The following RAB40C variants were observed in gnomAD, a reference collection of about 807,000 sequenced individuals.
The protein encoded by RAB40C is RAB40C, member RAS oncogene family, also known as ras-related protein Rab-40C.
RAB40C carries 8 observed loss-of-function variants against 28.1 expected under a neutral mutation model. That is an observed-to-expected ratio of 0.28 (90% CI 0.17 to 0.51). The LOEUF is 0.51. RAB40C is among the 20% of genes least tolerant of loss of function. RAB40C has a pLI of 0.97. For missense variants in RAB40C, 288 were observed against 405.9 expected, an observed-to-expected ratio of 0.71 and a Z score of 2.50; for synonymous variants, 201 against 171.7, an observed-to-expected ratio of 1.17 and a Z score of -1.34.
intron 4 of RAB40C, 29 bp from the exon 5 acceptor site, chr16:625,870 T>C: frequency 6.3e-7 from 1 of 1,587,424 alleles, no homozygotes; most frequent in Non-Finnish European, 8.6e-7. Context: ...ACCCTGCGTT[T>C]GTGCGTCTGC....
At chr16:591,477 C>T (rs900642062) in intron 1 of RAB40C, among the ~76,000 whole-genome samples, 4 of 152,176 alleles carry the variant, frequency 2.6e-5, no homozygotes, top group South Asian at 2.1e-4. Context: ...CTTATAGGCA[C>T]GCTGTTCCCC....
intron 3 of RAB40C, among the ~76,000 whole-genome samples, chr16:622,920 G>C (rs1163072491): frequency 1.3e-5 from 2 of 152,184 alleles, no homozygotes; most frequent in African/African-American, 2.4e-5. Context: ...TTAGGGTGCC[G>C]TTCGTTAGGC....
chr16:615,732 C>A (rs12596770), intron 1 of RAB40C, among the ~76,000 whole-genome samples: 3 of 152,096 alleles, frequency 2.0e-5, no homozygotes, highest in Non-Finnish European at 4.4e-5. Context: ...GAGGCCAAGG[C>A]GGGCGAATCA....
intron 3 of RAB40C, among the ~76,000 whole-genome samples, chr16:621,343 C>T (rs372706262): frequency 7.9e-5 from 12 of 152,362 alleles, no homozygotes; most frequent in Admixed American, 2.6e-4. Context: ...TTTCTCCCGC[C>T]GCCCCTGATG....
At chr16:609,582 A>C (rs1486789472) in intron 1 of RAB40C, among the ~76,000 whole-genome samples, 3 of 152,146 alleles carry the variant, frequency 2.0e-5, no homozygotes, top group Non-Finnish European at 2.9e-5. Context: ...GACAGGCAGG[A>C]AAAGAGCTCA....
intron 1 of RAB40C, among the ~76,000 whole-genome samples, chr16:616,482 G>A (rs55715744): frequency 6.6e-6 from 1 of 151,538 alleles, no homozygotes; most frequent in Non-Finnish European, 1.5e-5. Context: ...GGGATTAAAG[G>A]TGCCCACCAC....
chr16:625,311 G>A (rs953886332), intron 3 of RAB40C, 121 bp from the exon 4 acceptor site: 51 of 1,480,940 alleles, frequency 3.4e-5, no homozygotes, highest in South Asian at 1.0e-4. Flanking sequence ...CTGCCCATCC[G>A]CCAAGTAATA....
intron 3 of RAB40C, among the ~76,000 whole-genome samples, chr16:622,142 C>T (rs2036731844): frequency 1.3e-5 from 2 of 152,126 alleles, no homozygotes; most frequent in African/African-American, 4.8e-5. Flanking sequence ...AGTTACAGCT[C>T]AGTAAAAAAT....
chr16:596,699 C>T (rs1007871970), intron 1 of RAB40C, among the ~76,000 whole-genome samples: 2 of 152,056 alleles, frequency 1.3e-5, no homozygotes, highest in Non-Finnish European at 2.9e-5. Flanking sequence ...GTTACGAAGG[C>T]GGTGGGAAGA....
chr16:595,229 G>A (rs573383840), intron 1 of RAB40C, among the ~76,000 whole-genome samples: 2 of 152,268 alleles, frequency 1.3e-5, no homozygotes, highest in Non-Finnish European at 1.5e-5. Context: ...TGCCAGCACC[G>A]GTGGGCGCTT....
intron 1 of RAB40C, 50 bp downstream of exon 1, chr16:590,483 G>T (rs2035967631): frequency 6.8e-7 from 1 of 1,481,430 alleles, no homozygotes; most frequent in Non-Finnish European, 9.0e-7. Flanking sequence ...CGAGCCCGGC[G>T]AGCTGGGCAC....
intron 5 of RAB40C, among the ~76,000 whole-genome samples, chr16:626,582 C>T (rs1241508320): frequency 6.6e-6 from 1 of 152,178 alleles, no homozygotes; most frequent in Non-Finnish European, 1.5e-5. Context: ...TTTGTGGTGC[C>T]TCCCAGCAGG....
chr16:624,770 G>A lies in RAB40C; in HGVS notation c.265-662G>A, dbSNP rs76469414. 59 of 985,464 alleles carry A rather than the reference G, an allele frequency of 6.0e-5. No homozygotes were observed. In the East Asian group the frequency reaches 3.3e-3, roughly 55 times the overall value. 61.0% of individuals were successfully genotyped at this position (985,464 alleles called of 1,614,324 possible). ...AGGGGAATGGGCCTGTGATGTCACC[G>A]TTTCGCCCGACAGGGCTCTGAGTGT... On this transcript the variant is annotated intron_variant, in intron 3 of 5. Transcript: ENST00000248139.
intron 3 of RAB40C, among the ~76,000 whole-genome samples, chr16:623,423 G>A (rs766327971): frequency 1.3e-4 from 20 of 152,210 alleles, no homozygotes; most frequent in Middle Eastern, 6.8e-3. Flanking sequence ...GCCGAGGTGG[G>A]CAGATCGGGA....
intron 1 of RAB40C, among the ~76,000 whole-genome samples, chr16:609,328 C>T (rs1567188868): frequency 6.6e-6 from 1 of 152,072 alleles, no homozygotes; most frequent in Non-Finnish European, 1.5e-5. Flanking sequence ...GCAGACACCA[C>T]TGGGGATGGT....
chr16:620,523 G>A (rs988104374), intron 3 of RAB40C, among the ~76,000 whole-genome samples: 6 of 152,212 alleles, frequency 3.9e-5, no homozygotes, highest in Admixed American at 1.3e-4. Context: ...AATATGGGGC[G>A]CAGTTATGTT....
chr16:590,272 G>T lies in RAB40C; in HGVS notation c.-20G>T. 6.8e-7 allele frequency: 1 copy of T among 1,474,006 alleles called. No individual in the cohort carries two copies. Among genetic ancestry groups the T allele is most frequent in the Non-Finnish European group, 9.0e-7 (1 of 1,111,636 alleles). 91.3% of individuals were successfully genotyped at this position (1,474,006 alleles called of 1,614,324 possible). On this transcript the variant is annotated 5_prime_UTR_variant, in exon 1 of 6. Coordinates refer to ENST00000248139, the MANE Select transcript of RAB40C (RefSeq NM_021168.5). ...CGGTGCTTCGGCAGGCGGCCGGCGC[G>T]GGGCGCAGGCGGCGCGGCCATGGGC...
In RAB40C at chr16:617,282, G is replaced by A. The variant is rs1184169720; in HGVS notation, c.203+14G>A. On this transcript the variant is annotated intron_variant, in intron 2 of 5. Transcript: ENST00000248139. ...GCTGGAGCTCTGGTGAGTTGGGGCT[G>A]CGGCACTTCAGTTCCTGGGTGAGGA... 2.5e-6 allele frequency: 4 copies of A among 1,614,088 alleles called. No homozygotes were observed. In the African/African-American group the frequency reaches 4.0e-5, roughly 16 times the overall value.
At chr16:617,397 T>A in intron 2 of RAB40C, 129 bp downstream of exon 2, 1 of 1,078,452 alleles carries the variant, frequency 9.3e-7, no homozygotes, top group Non-Finnish European at 1.4e-6. Flanking sequence ...ACACAGCCCC[T>A]GTTTAAACAT....
Sources: gnomAD v4.1 joint callset for allele counts (sites outside exome capture counted in the v4.1 genomes callset) on GRCh38, gnomAD v4.1.1 for gene constraint, MANE v1.5 for transcripts, NCBI Gene and HGNC (gene_info 2026-07-23, HGNC 2026-07-21) for gene names.